Variants in TMEM117 observed in about 807,000 individuals in gnomAD.
TMEM117 encodes the protein transmembrane protein 117.
A neutral mutation model predicts 52.4 loss-of-function variants in TMEM117; 27 were observed. The ratio of observed to expected loss-of-function variants is 0.51; its 90% CI spans 0.38 to 0.71. The LOEUF (loss-of-function observed/expected upper bound fraction) is 0.71. Ranked by LOEUF, TMEM117 falls within the 30% of genes least tolerant of loss-of-function variation. The probability of loss-of-function intolerance (pLI) is 0.00; values close to 1 mark genes in which losing one functional copy is unlikely to be tolerated. For synonymous variants in TMEM117, 215 were observed against 206.3 expected (o/e 1.04, Z -0.36); for missense variants, 556 against 630.5 (o/e 0.88, Z 1.26).
chr12:44,146,818 A>G (rs1314934790), intron 4 of TMEM117, among the ~76,000 whole-genome samples: 1 of 152,240 alleles, frequency 6.6e-6, no homozygotes, highest in Admixed American at 6.5e-5. Flanking sequence ...AACTATTTAC[A>G]TTAACAATCA....
At chr12:44,306,513 G>T (rs942532901) in intron 6 of TMEM117, among the ~76,000 whole-genome samples, 4 of 152,076 alleles carry the variant, frequency 2.6e-5, no homozygotes, top group African/African-American at 9.7e-5. Flanking sequence ...TCAAGTTTTG[G>T]ATCCTTATAC....
intron 3 of TMEM117, among the ~76,000 whole-genome samples, chr12:44,082,686 A>G (rs1565820242): frequency 6.6e-6 from 1 of 152,124 alleles, no homozygotes; most frequent in Non-Finnish European, 1.5e-5. Flanking sequence ...AAATATACCA[A>G]TTTATAAATA....
intron 1 of TMEM117, among the ~76,000 whole-genome samples, chr12:43,836,969 CAGGGT>C (rs1305797535): frequency 3.9e-5 from 6 of 152,134 alleles, no homozygotes; most frequent in African/African-American, 1.4e-4. Context: ...TAGGAAGCTA[CAGGGT>C]TTTGTTTTGG....
At chr12:43,922,694 A>T (rs1944715158) in intron 2 of TMEM117, among the ~76,000 whole-genome samples, 2 of 152,198 alleles carry the variant, frequency 1.3e-5, no homozygotes, top group South Asian at 4.1e-4. Flanking sequence ...CAACATAGGT[A>T]GTTTGCAAGA....
chr12:44,298,127 T>C (rs1217592298), intron 5 of TMEM117, among the ~76,000 whole-genome samples: 1 of 148,542 alleles, frequency 6.7e-6, no homozygotes, highest in Non-Finnish European at 1.5e-5. Flanking sequence ...ATATCCATTA[T>C]ATTAAAGTAT....
intron 4 of TMEM117, among the ~76,000 whole-genome samples, chr12:44,204,308 C>T (rs1299359931): frequency 1.3e-5 from 2 of 152,082 alleles, no homozygotes; most frequent in Admixed American, 6.6e-5. Flanking sequence ...AACACAATCT[C>T]ATTCACAATA....
chr12:44,246,058 GATAA>G (rs1404700559), intron 5 of TMEM117, among the ~76,000 whole-genome samples: 2 of 152,052 alleles, frequency 1.3e-5, no homozygotes, highest in African/African-American at 2.4e-5. Flanking sequence ...CTAACAAAGA[GATAA>G]ATAAATATGA....
chr12:43,895,859 G>C (rs1453193396), intron 2 of TMEM117, among the ~76,000 whole-genome samples: 1 of 151,926 alleles, frequency 6.6e-6, no homozygotes, highest in African/African-American at 2.4e-5. Context: ...TAGTCTTCAA[G>C]TACTGAATAT....
the TMEM117 span, among the ~76,000 whole-genome samples, chr12:43,820,191 C>T: frequency 6.6e-6 from 1 of 152,016 alleles, no homozygotes; most frequent in African/African-American, 2.4e-5. Context: ...TCCGCCTCTC[C>T]GGTTCAAGCG....
chr12:43,850,971 T>C (rs898830527), intron 2 of TMEM117, among the ~76,000 whole-genome samples: 3 of 152,198 alleles, frequency 2.0e-5, no homozygotes, highest in Admixed American at 1.3e-4. Flanking sequence ...TTGGAATGCC[T>C]TACAAAAATG....
chr12:43,939,371 CTT>C (rs1245911076), intron 2 of TMEM117, among the ~76,000 whole-genome samples: 1 of 152,100 alleles, frequency 6.6e-6, no homozygotes, highest in Non-Finnish European at 1.5e-5. Context: ...TTCATTTGTC[CTT>C]TTATATTTCC....
At chr12:44,344,295 G>A (rs928575252) in intron 6 of TMEM117, among the ~76,000 whole-genome samples, 1 of 152,120 alleles carries the variant, frequency 6.6e-6, no homozygotes, top group Non-Finnish European at 1.5e-5. Flanking sequence ...ACCAAGTAAA[G>A]ACTGAACAGA....
intron 3 of TMEM117, among the ~76,000 whole-genome samples, chr12:44,100,905 G>T (rs939658324): frequency 1.3e-5 from 2 of 151,802 alleles, no homozygotes; most frequent in Non-Finnish European, 2.9e-5. Flanking sequence ...GCAGTATTTT[G>T]CTGTAATAAA....
intron 4 of TMEM117, among the ~76,000 whole-genome samples, chr12:44,206,796 A>T (rs1242626506): frequency 6.6e-6 from 1 of 152,136 alleles, no homozygotes; most frequent in Non-Finnish European, 1.5e-5. Flanking sequence ...GGAACAACAG[A>T]CACAAGGGCC....
the TMEM117 span, among the ~76,000 whole-genome samples, chr12:44,398,595 C>G: frequency 5.9e-5 from 9 of 152,244 alleles, no homozygotes; most frequent in Non-Finnish European, 1.0e-4. Context: ...AAAGTAACAC[C>G]TCAGTGCCCA....
intron 6 of TMEM117, among the ~76,000 whole-genome samples, chr12:44,355,514 A>G (rs1951634673): frequency 6.6e-6 from 1 of 152,034 alleles, no homozygotes. Flanking sequence ...CATTTGCATG[A>G]CGGACTGAAG....
At chr12:44,188,610 A>G (rs1032559744) in intron 4 of TMEM117, among the ~76,000 whole-genome samples, 2 of 152,028 alleles carry the variant, frequency 1.3e-5, no homozygotes, top group Non-Finnish European at 2.9e-5. Context: ...TTTTTTGTAT[A>G]TAATATCTCC....
At chr12:44,085,941 G>A (rs1221293375) in intron 3 of TMEM117, among the ~76,000 whole-genome samples, 7 of 152,016 alleles carry the variant, frequency 4.6e-5, no homozygotes, top group African/African-American at 1.7e-4. Flanking sequence ...AAAGAGAAGA[G>A]GATGAAGAGT....
At chr12:44,242,781 A>G (rs1293364808) in intron 5 of TMEM117, among the ~76,000 whole-genome samples, 2 of 150,132 alleles carry the variant, frequency 1.3e-5, no homozygotes, top group Non-Finnish European at 3.0e-5. Flanking sequence ...TGTATTATAT[A>G]TATGGGATTG....
Sources: gnomAD v4.1 joint callset for allele counts (sites outside exome capture counted in the v4.1 genomes callset) on GRCh38, gnomAD v4.1.1 for gene constraint, MANE v1.5 for transcripts, NCBI Gene and HGNC (gene_info 2026-07-23, HGNC 2026-07-21) for gene names.